Variants in DPYD observed in about 807,000 individuals in gnomAD.
DPYD encodes the protein dihydropyrimidine dehydrogenase, also known as dihydropyrimidine dehydrogenase [NADP(+)].
In DPYD, 109 loss-of-function variants were observed where a neutral mutation model predicts 116.2. That is an observed-to-expected ratio of 0.94 (90% CI 0.80 to 1.10). The LOEUF (loss-of-function observed/expected upper bound fraction) is 1.10. DPYD is among the 50% of genes least tolerant of loss of function. The pLI is 0.00. For synonymous variants in DPYD, 440 were observed against 432.0 expected (o/e 1.02, Z -0.23); for missense variants, 1,302 against 1,254.5 (o/e 1.04, Z -0.57).
intron 5 of DPYD, chr1:97,721,044 G>T: frequency 3.7e-6 from 5 of 1,364,434 alleles, no homozygotes; most frequent in Non-Finnish European, 5.0e-6. Flanking sequence ...TTATTAATGT[G>T]GTTAAATAAC....
At chr1:97,156,508 A>G (rs973879466) in intron 20 of DPYD, among the ~76,000 whole-genome samples, 4 of 152,230 alleles carry the variant, frequency 2.6e-5, no homozygotes, top group Non-Finnish European at 5.9e-5. Context: ...CAAAAAGCAC[A>G]TGAAAAAATG....
intron 7 of DPYD, among the ~76,000 whole-genome samples, chr1:97,680,992 A>G (rs1228906781): frequency 2.0e-5 from 3 of 152,148 alleles, no homozygotes; most frequent in African/African-American, 7.2e-5. Flanking sequence ...CCTTAAGCTG[A>G]GTCATAGAAG....
chr1:97,920,811 C>CCTCCCCGGCACCTACCCGCAGAGCA, intron 1 of DPYD, 73 bp downstream of exon 1: 23 of 1,541,098 alleles, frequency 1.5e-5, no homozygotes, highest in Non-Finnish European at 2.0e-5. Flanking sequence ...GCCGCGGGGG[C>CCTCCCCGGCACCTACCCGCAGAGCA]CTCCCCGGCA....
At chr1:97,609,249 C>G (rs1655788061) in intron 8 of DPYD, among the ~76,000 whole-genome samples, 1 of 151,802 alleles carries the variant, frequency 6.6e-6, no homozygotes, top group Non-Finnish European at 1.5e-5. Context: ...CCTCTAAGAC[C>G]AGGCTGTATA....
intron 14 of DPYD, among the ~76,000 whole-genome samples, chr1:97,397,284 G>A (rs1673067124): frequency 6.6e-6 from 1 of 151,818 alleles, no homozygotes. Context: ...TAGTCATGTA[G>A]TAGTAGTAGC....
chr1:97,908,018 G>T (rs938147303), intron 1 of DPYD, among the ~76,000 whole-genome samples: 1 of 151,912 alleles, frequency 6.6e-6, no homozygotes, highest in Non-Finnish European at 1.5e-5. Context: ...ATCACTGTCT[G>T]CATAGTCATA....
At chr1:97,304,107 G>A (rs562302315) in intron 18 of DPYD, among the ~76,000 whole-genome samples, 2 of 152,060 alleles carry the variant, frequency 1.3e-5, no homozygotes, top group East Asian at 3.9e-4. Flanking sequence ...AATTTTTAAT[G>A]TTCAGCACCC....
chr1:97,144,463 G>A (rs1443533836), intron 20 of DPYD, among the ~76,000 whole-genome samples: 1 of 152,174 alleles, frequency 6.6e-6, no homozygotes, highest in African/African-American at 2.4e-5. Flanking sequence ...TCCTGCTTTG[G>A]TGGTCTGGAA....
chr1:97,329,107 C>T (rs1386062882), intron 16 of DPYD, among the ~76,000 whole-genome samples: 1 of 151,976 alleles, frequency 6.6e-6, no homozygotes, highest in East Asian at 1.9e-4. Flanking sequence ...CCTAAAGCAC[C>T]TATTAAACAA....
Position 97,434,354 on chromosome 1 carries a change from T to C in DPYD, c.1905+15705A>G, listed in dbSNP as rs1324384840. ...TCTACCTCAAAAATGACTTTAATGATAAGTTATTTCTTTGCTTCATGTACA... is the reference window on the plus strand; with the variant it reads ...TCTACCTCAAAAATGACTTTAATGACAAGTTATTTCTTTGCTTCATGTACA... On this transcript the variant is annotated intron_variant, in intron 14 of 22. Transcript: ENST00000370192. Among the ~76,000 whole-genome samples the C allele has an allele frequency of 4.6e-5, 7 of 152,216 alleles. No individual in the cohort carries two copies. The East Asian group carries it at 1.4e-3, about 29-fold the overall frequency.
intron 7 of DPYD, among the ~76,000 whole-genome samples, chr1:97,687,356 CAACA>C (rs1217097195): frequency 4.0e-5 from 6 of 151,800 alleles, no homozygotes; most frequent in Admixed American, 3.3e-4. Flanking sequence ...TTTATGTGGC[CAACA>C]AACAAACATG....
intron 4 of DPYD, among the ~76,000 whole-genome samples, chr1:97,723,661 C>A (rs1488368231): frequency 6.6e-6 from 1 of 151,478 alleles, no homozygotes; most frequent in African/African-American, 2.4e-5. Context: ...TCTGTTTATT[C>A]CCCCAAATTG....
chr1:97,086,220 A>G (rs1403173772), intron 21 of DPYD, among the ~76,000 whole-genome samples: 2 of 151,864 alleles, frequency 1.3e-5, no homozygotes, highest in Non-Finnish European at 2.9e-5. Context: ...CGCCCGGCTA[A>G]TTTTTGTATT....
At chr1:97,169,655 G>A (rs974589323) in intron 20 of DPYD, among the ~76,000 whole-genome samples, 1 of 151,716 alleles carries the variant, frequency 6.6e-6, no homozygotes, top group Admixed American at 6.6e-5. Flanking sequence ...TCTTTTAATA[G>A]ACTCTACTAG....
At chr1:97,890,740 C>G (rs1450582815) in intron 1 of DPYD, among the ~76,000 whole-genome samples, 1 of 151,744 alleles carries the variant, frequency 6.6e-6, no homozygotes, top group East Asian at 1.9e-4. Context: ...TAAAGCAAAC[C>G]AGCCAGGTAA....
At chr1:97,485,993 A>C (rs1339384876) in intron 13 of DPYD, among the ~76,000 whole-genome samples, 1 of 152,208 alleles carries the variant, frequency 6.6e-6, no homozygotes, top group Non-Finnish European at 1.5e-5. Flanking sequence ...TGGGAGAATA[A>C]GTATGAAGTA....
At chr1:97,569,522 C>A (rs1461624468) in intron 11 of DPYD, among the ~76,000 whole-genome samples, 2 of 150,668 alleles carry the variant, frequency 1.3e-5, no homozygotes, top group East Asian at 3.9e-4. Context: ...AGTGAATGGA[C>A]AATATTTGTA....
At chr1:97,439,984 G>C (rs1570736373) in intron 14 of DPYD, among the ~76,000 whole-genome samples, 1 of 151,614 alleles carries the variant, frequency 6.6e-6, no homozygotes, top group Non-Finnish European at 1.5e-5. Context: ...TTATTTAGAA[G>C]TCTATTTTCG....
intron 15 of DPYD, among the ~76,000 whole-genome samples, chr1:97,378,929 T>G (rs1200767634): frequency 1.3e-5 from 2 of 152,192 alleles, no homozygotes; most frequent in African/African-American, 4.8e-5. Flanking sequence ...AGCCTAATGC[T>G]TAAATAATTT....
Sources: gnomAD v4.1 joint callset for allele counts (sites outside exome capture counted in the v4.1 genomes callset) on GRCh38, gnomAD v4.1.1 for gene constraint, MANE v1.5 for transcripts, NCBI Gene and HGNC (gene_info 2026-07-23, HGNC 2026-07-21) for gene names.